The following AGBL4 variants were observed in gnomAD, a reference collection of about 807,000 sequenced individuals.
AGBL4 encodes cytosolic carboxypeptidase 6.
Under a neutral mutation model 66.4 loss-of-function variants are expected in AGBL4, and 58 were observed. The ratio of observed to expected loss-of-function variants is 0.87; its 90% CI spans 0.71 to 1.09. AGBL4 has a LOEUF of 1.09. AGBL4 is among the 50% of genes least tolerant of loss of function. The pLI is 0.00. For missense variants in AGBL4, 579 were observed against 631.0 expected, an observed-to-expected ratio of 0.92 and a Z score of 0.88; for synonymous variants, 234 against 222.9, an observed-to-expected ratio of 1.05 and a Z score of -0.44.
At chr1:49,621,492 C>T (rs913552942) in intron 3 of AGBL4, among the ~76,000 whole-genome samples, 3 of 152,216 alleles carry the variant, frequency 2.0e-5, no homozygotes, top group Admixed American at 2.0e-4. Flanking sequence ...TGACCTAATG[C>T]TTGCTTGGAC....
intron 1 of AGBL4, among the ~76,000 whole-genome samples, chr1:49,985,625 G>T (rs1659440802): frequency 6.6e-6 from 1 of 152,060 alleles, no homozygotes; most frequent in African/African-American, 2.4e-5. Flanking sequence ...AGTACACACG[G>T]GCCTTTCAGC....
chr1:49,032,889 G>A (rs867983433), intron 5 of AGBL4, among the ~76,000 whole-genome samples: 3 of 152,078 alleles, frequency 2.0e-5, no homozygotes, highest in Non-Finnish European at 4.4e-5. Flanking sequence ...GAGTGATGGC[G>A]ATGCATTCTC....
chr1:48,719,923 C>T (rs1647117710), intron 6 of AGBL4, among the ~76,000 whole-genome samples: 1 of 152,158 alleles, frequency 6.6e-6, no homozygotes, highest in African/African-American at 2.4e-5. Flanking sequence ...TGGCCAAATC[C>T]TTTACTTCTT....
chr1:48,773,708 G>T (rs1644944512), intron 6 of AGBL4, among the ~76,000 whole-genome samples: 1 of 152,190 alleles, frequency 6.6e-6, no homozygotes, highest in Non-Finnish European at 1.5e-5. Context: ...CCAAGTGGGG[G>T]CCTGGCACTG....
At chr1:49,221,320 A>T (rs1462545300) in intron 4 of AGBL4, among the ~76,000 whole-genome samples, 1 of 152,136 alleles carries the variant, frequency 6.6e-6, no homozygotes, top group African/African-American at 2.4e-5. Flanking sequence ...CCTCTAGAGG[A>T]GACAGAGTGC....
rs528282777 is a variant in AGBL4 at position 48,991,228 on chromosome 1, G to A, written c.594+54356C>T. Among the ~76,000 whole-genome samples, 5 of 152,290 alleles carry A rather than the reference G, an allele frequency of 3.3e-5. No individual in the cohort carries two copies. The East Asian group carries it at 9.6e-4, about 29-fold the overall frequency. On this transcript the variant is annotated intron_variant, in intron 5 of 13. Coordinates refer to ENST00000371839, the MANE Select transcript of AGBL4 (RefSeq NM_032785.4). ...TACTTCACGTTTGAAGAATATTTTTGCTGAATGTACTACTATAGTGTACAA... is the reference window on the plus strand; with the variant it reads ...TACTTCACGTTTGAAGAATATTTTTACTGAATGTACTACTATAGTGTACAA...
chr1:49,800,559 C>G (rs1055159575), intron 2 of AGBL4, among the ~76,000 whole-genome samples: 3 of 112,104 alleles, frequency 2.7e-5, no homozygotes, highest in African/African-American at 1.0e-4. Flanking sequence ...TATTCCCCTT[C>G]CTGTGTCCAT....
chr1:49,850,540 C>T (rs1646277711), intron 2 of AGBL4, among the ~76,000 whole-genome samples: 1 of 152,068 alleles, frequency 6.6e-6, no homozygotes, highest in African/African-American at 2.4e-5. Context: ...TTATATCAGC[C>T]TTATCAAACC....
At chr1:48,895,422 G>A (rs1651406980) in intron 5 of AGBL4, among the ~76,000 whole-genome samples, 1 of 152,190 alleles carries the variant, frequency 6.6e-6, no homozygotes, top group Non-Finnish European at 1.5e-5. Context: ...AGGAGAGACA[G>A]CTTATAATTC....
At chr1:48,769,594 C>T (rs1311750271) in intron 6 of AGBL4, among the ~76,000 whole-genome samples, 6 of 148,928 alleles carry the variant, frequency 4.0e-5, no homozygotes, top group African/African-American at 1.5e-4. Context: ...AACTTGTATG[C>T]TCCTTCCAAG....
At position 48,534,116 on chromosome 1, in the gene AGBL4, T is replaced by C; in HGVS notation, c.*57A>G. The C allele has an allele frequency of 1.3e-6, 2 of 1,550,728 alleles. No homozygotes were observed. On this transcript the variant is annotated 3_prime_UTR_variant, in exon 14 of 14. Coordinates refer to ENST00000371839, the MANE Select transcript of AGBL4 (RefSeq NM_032785.4). ...GCTAGAGAAGAGTGATTAATTTCATTCCCCAGCAGAAAATGCATGCTCCTG... is the reference window on the plus strand; with the variant it reads ...GCTAGAGAAGAGTGATTAATTTCATCCCCCAGCAGAAAATGCATGCTCCTG...
intron 3 of AGBL4, among the ~76,000 whole-genome samples, chr1:49,391,648 G>A (rs1202463807): frequency 6.9e-6 from 1 of 145,054 alleles, no homozygotes; most frequent in Non-Finnish European, 1.5e-5. Context: ...TGCAAGCTCC[G>A]CCTCCCGGGT....
chr1:49,184,582 A>C (rs1646982754), intron 4 of AGBL4, among the ~76,000 whole-genome samples: 1 of 152,182 alleles, frequency 6.6e-6, no homozygotes, highest in Admixed American at 6.5e-5. Context: ...AGGAACCCCG[A>C]TACTAATTAG....
intron 3 of AGBL4, among the ~76,000 whole-genome samples, chr1:49,451,712 T>C (rs1260031681): frequency 6.6e-6 from 1 of 152,076 alleles, no homozygotes; most frequent in Non-Finnish European, 1.5e-5. Flanking sequence ...TATTCCTTTA[T>C]GGACTAGGGT....
At position 49,306,312 on chromosome 1, in the gene AGBL4, A is replaced by G. The variant is rs368594672; in HGVS notation, c.283-60448T>C. Among the ~76,000 whole-genome samples, 164 of 152,294 alleles carry G rather than the reference A, an allele frequency of 1.1e-3. 1 individual carries two copies. Among genetic ancestry groups the G allele is most frequent in the African/African-American group, 3.8e-3 (158 of 41,576 alleles). ...TTTGCAAAGAAAATAAATCTACTTA[A>G]GCTTCCTTCAGAAAAGTGGGATTTA... On this transcript the variant is annotated intron_variant, in intron 3 of 13. Coordinates refer to ENST00000371839, the MANE Select transcript of AGBL4 (RefSeq NM_032785.4).
chr1:48,850,465 A>G (rs1160204071), intron 6 of AGBL4, among the ~76,000 whole-genome samples: 1 of 152,118 alleles, frequency 6.6e-6, no homozygotes, highest in Non-Finnish European at 1.5e-5. Context: ...CCCCATGACT[A>G]TCTCATCCCA....
At chr1:49,378,000 C>T (rs866655253) in intron 3 of AGBL4, among the ~76,000 whole-genome samples, 1 of 145,124 alleles carries the variant, frequency 6.9e-6, no homozygotes, top group African/African-American at 2.9e-5. Flanking sequence ...CATGCCTTGT[C>T]TCCCAACACA....
intron 3 of AGBL4, among the ~76,000 whole-genome samples, chr1:49,514,525 G>A (rs1465993645): frequency 1.3e-5 from 2 of 151,732 alleles, no homozygotes; most frequent in African/African-American, 4.8e-5. Flanking sequence ...TCACAGAATT[G>A]GAAAAAACTA....
chr1:48,570,546 G>GTT (rs145636053), intron 11 of AGBL4, among the ~76,000 whole-genome samples: 1 of 149,134 alleles, frequency 6.7e-6, no homozygotes, highest in Non-Finnish European at 1.5e-5. Flanking sequence ...GTGGGTTAAC[G>GTT]TTTTTTTTTT....
Sources: gnomAD v4.1 joint callset for allele counts (sites outside exome capture counted in the v4.1 genomes callset) on GRCh38, gnomAD v4.1.1 for gene constraint, MANE v1.5 for transcripts, NCBI Gene and HGNC (gene_info 2026-07-23, HGNC 2026-07-21) for gene names.